CHTF18: variants seen among roughly 807,000 people sequenced by gnomAD.
CHTF18 encodes the protein chromosome transmission fidelity factor 18, also known as chromosome transmission fidelity protein 18 homolog.
In CHTF18, 151 loss-of-function variants were observed where a neutral mutation model predicts 113.4. That is an observed-to-expected ratio of 1.33 (90% confidence interval 1.17 to 1.52). The LOEUF is 1.52. Among genes scored for constraint, CHTF18 ranks in the 40% most tolerant of loss-of-function variants. The probability of loss-of-function intolerance (pLI) is 0.00; values close to 1 mark genes in which losing one functional copy is unlikely to be tolerated. For synonymous variants in CHTF18, 916 were observed against 598.8 expected (o/e 1.53, Z -7.74); for missense variants, 1,982 against 1,381.6 (o/e 1.43, Z -6.89).
chr16:794,267 C>G (rs1377566126), intron 15 of CHTF18, 66 bp downstream of exon 15: 4 of 1,556,842 alleles, frequency 2.6e-6, no homozygotes, highest in African/African-American at 1.4e-5. Flanking sequence ...GTGCCCCTGC[C>G]CCTGCCGGTC....
rs372528223 is a variant in CHTF18, at chr16:791,329, C to A, written c.1063C>A (p.Leu355Met). 3.7e-6 allele frequency: 6 copies of A among 1,609,022 alleles called. No individual in the cohort carries two copies. The highest frequency in any genetic ancestry group is 1.3e-5 in the African/African-American group (1 of 74,916). ...KSHEQVLEEM[L>M]EAGLDPSQRP... is the part of the protein sequence containing the mutation. ...CCACGAACAGGTGCTGGAGGAGATG[C>A]TGGAGGCTGGGCTGGACCCGAGCCA... is the stretch of plus-strand genomic sequence containing the variant. Residue 355 changes from leucine (L) to methionine (M), a missense_variant, in exon 8 of 22, where the codon CTG (leucine) becomes ATG (methionine). Physicochemically the swap from Leu to Met is conservative, Grantham distance 15. Coordinates refer to ENST00000262315, the MANE Select transcript of CHTF18 (RefSeq NM_022092.3).
chr16:797,076 C>A lies in CHTF18; in HGVS notation c.2717C>A (p.Ala906Glu). The A allele has an allele frequency of 6.5e-7, 1 of 1,532,984 alleles. No individual in the cohort carries two copies. The highest frequency in any genetic ancestry group is 8.8e-7 in the Non-Finnish European group (1 of 1,142,558). The allele number at this position is 1,532,984 out of a possible 1,614,324, so 95.0% of individuals were successfully genotyped here. The stretch of plus-strand genomic sequence containing the variant: ...CGGCTGGAGCACATCATGAGGCGAG[C>A]GGCCCGGGAGGAACAGGTGTGGAAT... ...EQRLEHIMRR[A>E]AREEQPEKDF... Residue 906 changes from alanine (A) to glutamate (E), a missense_variant, in exon 20 of 22, where the codon GCG (alanine) becomes GAG (glutamate). Transcript: ENST00000262315.
At chr16:789,911 TTGTA>T (rs1567391738) in intron 4 of CHTF18, 196 bp downstream of exon 4, 10 of 1,454,490 alleles carry the variant, frequency 6.9e-6, no homozygotes, top group Admixed American at 6.0e-5. Context: ...TCCAGCCTGT[TTGTA>T]TGGCCTCGGG....
In CHTF18 at chr16:790,397, C is replaced by T. The variant is rs751930649; in HGVS notation, c.750C>T (p.His250=). 1.1e-5 allele frequency: 18 copies of T among 1,612,316 alleles called. No individual in the cohort carries two copies. The East Asian group carries it at 3.1e-4, about 28-fold the overall frequency. Residue 250 remains histidine (H), a splice_region_variant and synonymous_variant, in exon 6 of 22, where the codon CAC becomes CAT. Coordinates refer to ENST00000262315, the MANE Select transcript of CHTF18 (RefSeq NM_022092.3). ...QEAQKLSDTL[H]SLRSGEEEAA... ...CCCAGAAGCTTTCAGACACCCTGCA[C>T]AGGTGACTTGGTTGGCCCTTCCGCC... is the stretch of plus-strand genomic sequence containing the variant.
intron 15 of CHTF18, 107 bp downstream of exon 15, chr16:794,308 G>C (rs1026892339): frequency 7.4e-7 from 1 of 1,345,004 alleles, no homozygotes; most frequent in African/African-American, 1.5e-5. Context: ...CGCTTTGGGG[G>C]TGCTGAGAGA....
At chr16:789,484 C>G in intron 3 of CHTF18, 63 bp from the exon 4 acceptor site, 1 of 1,544,448 alleles carries the variant, frequency 6.5e-7, no homozygotes, top group Non-Finnish European at 8.7e-7. Context: ...CAGTCTCGGA[C>G]ACCCATATCC....
Position 790,610 on chromosome 16 carries a change from T to G in CHTF18, c.838T>G (p.Cys280Gly). ...TGACGGTCAAGACGCCTCCAGTCACTGCCTCTGGGTGGATGAGTTTGCACC... is the reference window on the plus strand; with the variant it reads ...TGACGGTCAAGACGCCTCCAGTCACGGCCTCTGGGTGGATGAGTTTGCACC... Reference protein sequence around the residue: ...PTDGQDASSHCLWVDEFAPRH... With the variant: ...PTDGQDASSHGLWVDEFAPRH... Residue 280 changes from cysteine to glycine, a missense_variant, in exon 7 of 22, where the codon TGC becomes GGC. By Grantham distance (159) the Cys-to-Gly change is radical. Coordinates refer to ENST00000262315, the MANE Select transcript of CHTF18 (RefSeq NM_022092.3). 8 of 1,594,602 alleles carry G rather than the reference T, an allele frequency of 5.0e-6. No individual in the cohort carries two copies. Among genetic ancestry groups the G allele is most frequent in the Non-Finnish European group, 6.8e-6 (8 of 1,172,264 alleles).
At position 789,189 on chromosome 16, in the gene CHTF18, C is replaced by T. The variant is rs115847801; in HGVS notation, c.287-21C>T. The T allele has an allele frequency of 7.6e-4, 1,182 of 1,550,444 alleles. 5 individuals carry two copies. In the African/African-American group the frequency reaches 0.015, roughly 20 times the overall value. ...CGCGAGGCTGAGGAGGCCTCTGGTT[C>T]CCTGCATGTGTCTCCCCCAGCCCCC... On this transcript the variant is annotated intron_variant, in intron 2 of 21. Transcript: ENST00000262315.
rs757277257 is a variant in CHTF18 at position 788,699 on chromosome 16, G to A, written c.15G>A (p.Glu5=). The stretch of plus-strand genomic sequence containing the variant: ...TCGCGGACGGTATGGAGGACTACGA[G>A]CAGGAGCTGTGCGGCGTCGAGGATG... MEDY[E]QELCGVEDDF... Residue 5 remains glutamate, a synonymous_variant, in exon 1 of 22, where the codon GAG becomes GAA. Transcript: ENST00000262315. 40 of 1,597,432 alleles carry A rather than the reference G, an allele frequency of 2.5e-5. No homozygotes were observed. The highest frequency in any genetic ancestry group is 1.7e-4 in the Middle Eastern group (1 of 6,054).
rs1361392848 is a variant in CHTF18 at position 793,052 on chromosome 16, C to G, written c.1659C>G (p.Ile553Met). 6.5e-7 allele frequency: 1 copy of G among 1,541,658 alleles called. No homozygotes were observed. Residue 553 changes from isoleucine (I) to methionine (M), a missense_variant, in exon 13 of 22, where the codon ATC (isoleucine) becomes ATG (methionine). Coordinates refer to ENST00000262315, the MANE Select transcript of CHTF18 (RefSeq NM_022092.3). ...CTGACAATGACATCCGGGCCTGCAT[C>G]AACACCCTGCAGGTGGGCGGCCGGC... ...EKTDNDIRAC[I>M]NTLQFLYSRG...
In CHTF18 at chr16:789,825, C is replaced by A. The variant is rs958115736; in HGVS notation, c.606+110C>A. The A allele has an allele frequency of 1.1e-5, 15 of 1,378,210 alleles. No homozygotes were observed. The African/African-American group carries it at 1.7e-4, about 16-fold the overall frequency. 85.4% of individuals were successfully genotyped at this position (1,378,210 alleles called of 1,614,324 possible). A position where few individuals can be genotyped will look rare whatever the true frequency, so the allele number is the denominator to read the frequency against. The stretch of plus-strand genomic sequence containing the variant: ...GCTTAAAGCGGGTCCTGTGCAGAGC[C>A]CCAGGGGTGCAGAGGGGGAGGCTGC... On this transcript the variant is annotated intron_variant, in intron 4 of 21. Coordinates refer to ENST00000262315, the MANE Select transcript of CHTF18 (RefSeq NM_022092.3).
Position 792,468 on chromosome 16 carries a change from G to A in CHTF18, c.1356G>A (p.Leu452=), listed in dbSNP as rs771071942. ...VAAINVLLSI[L]NRKGPQEVGP... ...CCATCAACGTCCTCCTGAGCATCCTGAACCGCAAGGGGCCACAGGAGGTGG... is the reference window on the plus strand; with the variant it reads ...CCATCAACGTCCTCCTGAGCATCCTAAACCGCAAGGGGCCACAGGAGGTGG... Residue 452 remains leucine, a synonymous_variant, in exon 11 of 22, where the codon CTG becomes CTA. Transcript: ENST00000262315. 2.5e-5 allele frequency: 40 copies of A among 1,577,762 alleles called. No individual in the cohort carries two copies. In the Middle Eastern group the frequency reaches 6.6e-4, roughly 26 times the overall value.
intron 4 of CHTF18, 117 bp from the exon 5 acceptor site, chr16:790,060 C>T (rs769695985): frequency 7.8e-6 from 12 of 1,536,744 alleles, no homozygotes; most frequent in African/African-American, 2.7e-5. Flanking sequence ...GTCTCCCACC[C>T]CTCACTGGCC....
chr16:794,059 G>T lies in CHTF18; in HGVS notation c.1808G>T (p.Arg603Leu), dbSNP rs200287249. Residue 603 changes from arginine to leucine, a missense_variant, in exon 15 of 22, where the codon CGT becomes CTT. Physicochemically the swap from Arg to Leu is moderately radical, Grantham distance 102 (BLOSUM62 -2). Transcript: ENST00000262315. ...CTTCAGCACCCCACCTGCAGGCGCCGTGTGGGCCAGGACCCCGCCCTGCCT... is the reference window on the plus strand; with the variant it reads ...CTTCAGCACCCCACCTGCAGGCGCCTTGTGGGCCAGGACCCCGCCCTGCCT... ...VFQLPRAQRRRVGQDPALPAD... is the reference protein window; with the variant it reads ...VFQLPRAQRRLVGQDPALPAD... 6.2e-7 allele frequency: 1 copy of T among 1,610,236 alleles called. No homozygotes were observed.
chr16:790,007 C>T (rs1455395399), intron 4 of CHTF18, 170 bp from the exon 5 acceptor site: 4 of 1,535,338 alleles, frequency 2.6e-6, no homozygotes, highest in Non-Finnish European at 2.6e-6. Context: ...CCCTTTGCAG[C>T]TGACCCATCT....
Position 797,944 on chromosome 16 carries a change from G to T in CHTF18, c.2897G>T (p.Arg966Leu). 6.2e-7 allele frequency: 1 copy of T among 1,612,330 alleles called. No individual in the cohort carries two copies. Among genetic ancestry groups the T allele is most frequent in the Non-Finnish European group, 8.5e-7 (1 of 1,179,742 alleles). Residue 966 changes from arginine (R) to leucine (L), a missense_variant, in exon 22 of 22, where the codon CGG (arginine) becomes CTG (leucine). Arg to Leu is a moderately radical substitution (Grantham distance 102, BLOSUM62 -2). Coordinates refer to ENST00000262315, the MANE Select transcript of CHTF18 (RefSeq NM_022092.3). ...RFNEGVSNAV[R>L]RSLYIRDLL ...AACGAGGGTGTCTCCAACGCCGTGCGGCGCAGCCTGTACATCAGGGACTTG... is the reference window on the plus strand; with the variant it reads ...AACGAGGGTGTCTCCAACGCCGTGCTGCGCAGCCTGTACATCAGGGACTTG...
intron 7 of CHTF18, 47 bp downstream of exon 7, chr16:790,713 A>T (rs751135321): frequency 6.7e-7 from 1 of 1,482,326 alleles, no homozygotes; most frequent in South Asian, 1.4e-5. Flanking sequence ...CTCTGTTCCC[A>T]AGATGGAAGA....
intron 20 of CHTF18, 71 bp downstream of exon 20, chr16:797,163 A>G: frequency 1.4e-6 from 2 of 1,433,922 alleles, no homozygotes; most frequent in Non-Finnish European, 1.8e-6. Flanking sequence ...GGCAGTCATG[A>G]GGCGGGGCCA....
intron 15 of CHTF18, 23 bp from the exon 16 acceptor site, chr16:795,109 C>T (rs1281182727): frequency 1.3e-6 from 2 of 1,528,082 alleles, no homozygotes; most frequent in East Asian, 2.5e-5. Flanking sequence ...GGCAGGAGCT[C>T]AGGGGTTGCC....
Sources: gnomAD v4.1 joint callset for allele counts on GRCh38, gnomAD v4.1.1 for gene constraint, MANE v1.5 for transcripts, NCBI Gene and HGNC (gene_info 2026-07-23, HGNC 2026-07-21) for gene names.